Variants in CP observed in about 807,000 individuals in gnomAD.
The protein encoded by CP is caeruloplasmin.
Under a neutral mutation model 122.4 loss-of-function variants are expected in CP, and 64 were observed. The observed-to-expected ratio is 0.52, with a 90% CI of 0.43 to 0.64. The LOEUF (loss-of-function observed/expected upper bound fraction) is 0.64, where lower values mean the gene tolerates loss of function less well. CP is among the 30% of genes least tolerant of loss of function. CP has a pLI of 0.00. For synonymous variants in CP, 440 were observed against 436.4 expected, an observed-to-expected ratio of 1.01 and a Z score of -0.10; for missense variants, 1,167 against 1,284.4, an observed-to-expected ratio of 0.91 and a Z score of 1.40.
intron 10 of CP, 172 bp downstream of exon 10, chr3:149,187,880 G>A: frequency 1.5e-6 from 1 of 671,102 alleles, no homozygotes; most frequent in Non-Finnish European, 2.6e-6. Context: ...TGAAATAATG[G>A]ATAACTGACA....
intron 9 of CP, among the ~76,000 whole-genome samples, chr3:149,197,057 A>AC (rs1413017594): frequency 1.3e-3 from 188 of 148,884 alleles, no homozygotes; most frequent in Non-Finnish European, 4.5e-4. Flanking sequence ...GCACCTTGCG[A>AC]CCCCCACTCC....
At chr3:149,179,102 G>A (rs968464158) in intron 15 of CP, among the ~76,000 whole-genome samples, 6 of 152,154 alleles carry the variant, frequency 3.9e-5, no homozygotes, top group African/African-American at 1.4e-4. Context: ...GGCTCACTCA[G>A]GCACTTCACC....
At chr3:149,202,874 G>T (rs1421209902) in intron 6 of CP, among the ~76,000 whole-genome samples, 1 of 142,680 alleles carries the variant, frequency 7.0e-6, no homozygotes, top group East Asian at 2.1e-4. Flanking sequence ...CTCCCAAAGT[G>T]CTGGGATTAC....
intron 8 of CP, 98 bp downstream of exon 8, chr3:149,199,614 T>G (rs925772204): frequency 1.1e-4 from 153 of 1,421,206 alleles, no homozygotes; most frequent in Non-Finnish European, 1.4e-4. Context: ...GCGGTTTCCT[T>G]GGGAGTTCCT....
rs1214526770 is a variant in CP at position 149,209,244 on chromosome 3, T to C, written c.748A>G (p.Asn250Asp). The C allele has an allele frequency of 1.2e-6, 2 of 1,613,836 alleles. No homozygotes were observed. The highest frequency in any genetic ancestry group is 8.5e-7 in the Non-Finnish European group (1 of 1,179,758). Reference sequence around the variant, plus strand: ...CTGTTACTCTCCTGGAAGTCTTCGTTGTCTTTGTCAACTTTCTCTGGTTCT... The same window carrying C: ...CTGTTACTCTCCTGGAAGTCTTCGTCGTCTTTGTCAACTTTCTCTGGTTCT... ...CSEPEKVDKD[N>D]EDFQESNRMY... is the part of the protein sequence containing the mutation. The change falls in exon 4 of 19, where the codon AAC (asparagine) becomes GAC (aspartate). Residue 250 changes from asparagine (N) to aspartate (D), a missense_variant. Transcript: ENST00000264613.
chr3:149,178,118 TGGA>T (rs1456803095), intron 16 of CP, 139 bp from the exon 17 acceptor site: 1 of 832,692 alleles, frequency 1.2e-6, no homozygotes, highest in Non-Finnish European at 2.0e-6. Context: ...ATGAGAGAAA[TGGA>T]TACTTTAAAG....
Position 149,188,035 on chromosome 3 carries a change from G to A in CP, c.1864+17C>T. The stretch of plus-strand genomic sequence containing the variant: ...ACTAAAATAACTTGGTAGATTGGTG[G>A]ATGATGCAGTACTTACAGTGCATTT... On this transcript the variant is annotated intron_variant, in intron 10 of 18. Transcript: ENST00000264613. 6.2e-7 allele frequency: 1 copy of A among 1,611,142 alleles called. No homozygotes were observed. The highest frequency in any genetic ancestry group is 8.5e-7 in the Non-Finnish European group (1 of 1,179,394).
chr3:149,192,682 C>CAT lies in CP; in HGVS notation c.1714-4482_1714-4481dup, dbSNP rs201115439. Among the ~76,000 whole-genome samples the CAT allele has an allele frequency of 5.3e-5, 8 of 151,336 alleles. 1 individual carries two copies. The highest frequency in any genetic ancestry group is 1.3e-4 in the Admixed American group (2 of 15,194). ...TATGTATGTAGTATACACACACACA[C>CAT]ATATATATATTATATGGCTTAATAT... On this transcript the variant is annotated intron_variant, in intron 9 of 18. Coordinates refer to ENST00000264613, the MANE Select transcript of CP (RefSeq NM_000096.4).
intron 9 of CP, among the ~76,000 whole-genome samples, chr3:149,192,945 CCA>C (rs1726638063): frequency 6.6e-6 from 1 of 151,002 alleles, no homozygotes; most frequent in Non-Finnish European, 1.5e-5. Flanking sequence ...TCTATTGCAA[CCA>C]CATAAGAAGT....
intron 6 of CP, among the ~76,000 whole-genome samples, chr3:149,202,708 C>T (rs1252639571): frequency 6.8e-6 from 1 of 146,090 alleles, no homozygotes; most frequent in African/African-American, 2.5e-5. Context: ...CCTGGGTTCA[C>T]GCCATTCTCC....
intron 3 of CP, among the ~76,000 whole-genome samples, chr3:149,209,760 T>C (rs1042165778): frequency 3.9e-5 from 6 of 152,194 alleles, no homozygotes; most frequent in Non-Finnish European, 5.9e-5. Context: ...TGAGCTCCGT[T>C]GTCTTTTTCA....
chr3:149,197,927 A>T (rs1457090258), intron 9 of CP, among the ~76,000 whole-genome samples: 1 of 152,174 alleles, frequency 6.6e-6, no homozygotes, highest in Non-Finnish European at 1.5e-5. Flanking sequence ...TGTGTGGCCC[A>T]TGGGGGTGTG....
chr3:149,221,741 A>G lies in CP; in HGVS notation c.52T>C (p.Trp18Arg). ...IFLFLCSTPA[W>R]AKEKHYYIGI... ...ATGTAATAATGCTTTTCTTTCGCCC[A>G]GGCTGGGGTACTACATAAAAACAGA... Residue 18 changes from tryptophan (W) to arginine (R), a missense_variant, in exon 1 of 19, where the codon TGG (tryptophan) becomes CGG (arginine). By Grantham distance (101) the Trp-to-Arg change is moderately radical. Around this residue, in one of 2 missense-constraint regions of CP, gnomAD observed 642 missense variants for 627.3 expected, o/e 1.02. Coordinates refer to ENST00000264613, the MANE Select transcript of CP (RefSeq NM_000096.4). 6.2e-7 allele frequency: 1 copy of G among 1,613,570 alleles called. No homozygotes were observed.
rs756990383 is a variant in CP at position 149,210,332 on chromosome 3, T to G, written c.442A>C (p.Lys148Gln). The change falls in exon 3 of 19, where the codon AAA becomes CAA. Residue 148 changes from lysine to glutamine, a missense_variant. Lys to Gln is a moderately conservative substitution (Grantham distance 53). This residue lies in a region of CP where 642 missense variants were observed against 627.3 expected (regional missense o/e 1.02). Transcript: ENST00000264613. The part of the protein sequence containing the change: ...NTTDFQRADD[K>Q]VYPGEQYTYM... ...GTATACTGCTCTCCTGGATATACTT[T>G]GTCATCTGCTCTTTGAAAATCTGTG... The G allele has an allele frequency of 6.2e-7, 1 of 1,614,016 alleles. No homozygotes were observed. Among genetic ancestry groups the G allele is most frequent in the African/African-American group, 1.3e-5 (1 of 74,948 alleles).
chr3:149,197,731 A>C (rs1041486766), intron 9 of CP, among the ~76,000 whole-genome samples: 3 of 152,320 alleles, frequency 2.0e-5, no homozygotes, highest in East Asian at 1.9e-4. Flanking sequence ...AATTCTGATA[A>C]GGAACGTGCA....
At chr3:149,169,653 T>A (rs1316367704), downstream of CP, among the ~76,000 whole-genome samples, 1 of 152,200 alleles carries the variant, frequency 6.6e-6, no homozygotes, top group African/African-American at 2.4e-5. Flanking sequence ...CTCCAGATGT[T>A]GCCAGATGTC....
chr3:149,209,398 T>C lies in CP; in HGVS notation c.608-14A>G. On this transcript the variant is annotated splice_polypyrimidine_tract_variant and intron_variant, in intron 3 of 18. Coordinates refer to ENST00000264613, the MANE Select transcript of CP (RefSeq NM_000096.4). ...TATCTAGAGAATCTGGAGTTAAAGT[T>C]ACTATTTTAGCAAGACTAAACTTTT... 1 of 1,610,950 alleles carries C rather than the reference T, an allele frequency of 6.2e-7. No homozygotes were observed. Among genetic ancestry groups the C allele is most frequent in the African/African-American group, 1.3e-5 (1 of 74,962 alleles).
At position 149,218,501 on chromosome 3, in the gene CP, G is replaced by T. The variant is rs1001989590; in HGVS notation, c.146+3146C>A. ...CAGAGAAGTAAACTTTATTTTTTTAGTCCCCCCCAAAACCTATACATTTTT... is the reference window on the plus strand; with the variant it reads ...CAGAGAAGTAAACTTTATTTTTTTATTCCCCCCCAAAACCTATACATTTTT... On this transcript the variant is annotated intron_variant, in intron 1 of 18. Coordinates refer to ENST00000264613, the MANE Select transcript of CP (RefSeq NM_000096.4). 3.9e-5 allele frequency among the ~76,000 whole-genome samples: 6 copies of T among 151,922 alleles called. 1 individual carries two copies. Among genetic ancestry groups the T allele is most frequent in the Admixed American group, 1.3e-4 (2 of 15,280 alleles).
rs1182727571 is a variant in CP at position 149,199,113 on chromosome 3, CCTT to C, written c.1502-538_1502-536del. On this transcript the variant is annotated intron_variant, in intron 8 of 18. Transcript: ENST00000264613. ...AGCAAAGTCACTAGTCTTCACTGGT[CCTT>C]CTTGATGTGTAAAAATAGTCAAAAA... Among the ~76,000 whole-genome samples, 6 of 152,208 alleles carry C rather than the reference CCTT, an allele frequency of 3.9e-5. No homozygotes were observed. The East Asian group carries it at 1.2e-3, about 29-fold the overall frequency.
Sources: allele counts gnomAD v4.1 joint callset (sites outside exome capture counted in the v4.1 genomes callset), GRCh38; gene constraint gnomAD v4.1.1; regional missense constraint gnomAD v4.1.1; transcripts MANE v1.5; gene names NCBI Gene and HGNC (gene_info 2026-07-23, HGNC 2026-07-21).